LOC400499: variants seen among roughly 807,000 people sequenced by gnomAD.
the LOC400499 span, among the ~76,000 whole-genome samples, chr16:11,442,802 T>C: frequency 0.6 from 91,984 of 152,068 alleles, 28,706 homozygotes; most frequent in African/African-American, 0.76. Flanking sequence ...CTGCAATCTC[T>C]GGTTTAAGAA....
At chr16:11,404,979 G>C in the LOC400499 span, 50 of 397,328 alleles carry the variant, frequency 1.3e-4, no homozygotes, top group African/African-American at 9.9e-4. Flanking sequence ...ATCATTTACA[G>C]TTTCCTGAAT....
the LOC400499 span, among the ~76,000 whole-genome samples, chr16:11,452,172 G>A: frequency 3.4e-5 from 5 of 149,098 alleles, no homozygotes; most frequent in Non-Finnish European, 7.4e-5. Flanking sequence ...AGGCCCTCCA[G>A]AACATCTGTC....
the LOC400499 span, among the ~76,000 whole-genome samples, chr16:11,448,371 T>C: frequency 1.8e-3 from 276 of 152,324 alleles, 2 homozygotes; most frequent in African/African-American, 6.5e-3. Context: ...CCAGGGTCCA[T>C]TTCACAGGCC....
the LOC400499 span, among the ~76,000 whole-genome samples, chr16:11,470,958 A>G: frequency 7.0e-4 from 106 of 152,338 alleles, no homozygotes; most frequent in Non-Finnish European, 1.3e-3. Context: ...GCCTTGAAAA[A>G]GGGGCCAGTG....
the LOC400499 span, among the ~76,000 whole-genome samples, chr16:11,521,606 G>T: frequency 6.6e-6 from 1 of 152,094 alleles, no homozygotes; most frequent in Admixed American, 6.6e-5. Context: ...GTTTGACTTT[G>T]CACACACCCT....
chr16:11,416,433 C>G, the LOC400499 span, among the ~76,000 whole-genome samples: 25 of 152,278 alleles, frequency 1.6e-4, no homozygotes, highest in East Asian at 4.8e-3. Flanking sequence ...CTCAACCTCT[C>G]TGAGCCTCCA....
the LOC400499 span, among the ~76,000 whole-genome samples, chr16:11,394,080 C>T: frequency 2.6e-5 from 4 of 152,150 alleles, no homozygotes; most frequent in Admixed American, 6.5e-5. Context: ...TTGGGGGCCC[C>T]GGGCCCTGGC....
At chr16:11,448,921 ACT>A in the LOC400499 span, 1 of 1,467,494 alleles carries the variant, frequency 6.8e-7, no homozygotes, top group East Asian at 2.5e-5. Context: ...GTTCTTACCC[ACT>A]CCAGGTGCCT....
the LOC400499 span, among the ~76,000 whole-genome samples, chr16:11,525,198 T>C: frequency 1.3e-5 from 2 of 151,264 alleles, no homozygotes; most frequent in Non-Finnish European, 2.9e-5. Flanking sequence ...GAGAATTGCT[T>C]GAGCCGACAG....
the LOC400499 span, among the ~76,000 whole-genome samples, chr16:11,474,689 GTC>G: frequency 7.0e-6 from 1 of 142,786 alleles, no homozygotes. Flanking sequence ...GTGGAACCCT[GTC>G]TCTACAAAAT....
chr16:11,489,714 C>T, the LOC400499 span, among the ~76,000 whole-genome samples: 1 of 152,154 alleles, frequency 6.6e-6, no homozygotes, highest in Non-Finnish European at 1.5e-5. Flanking sequence ...AGCTGATCCC[C>T]TGAGGAGGGG....
the LOC400499 span, among the ~76,000 whole-genome samples, chr16:11,379,648 A>C: frequency 6.6e-6 from 1 of 152,366 alleles, no homozygotes; most frequent in African/African-American, 2.4e-5. Context: ...GGGAGACTCC[A>C]GCACATTACT....
At chr16:11,454,969 TC>T in the LOC400499 span, among the ~76,000 whole-genome samples, 1 of 151,966 alleles carries the variant, frequency 6.6e-6, no homozygotes, top group Non-Finnish European at 1.5e-5. Context: ...AGGAAGAGGG[TC>T]CCCAAGAAAA....
chr16:11,449,227 T>C, the LOC400499 span: 11 of 895,966 alleles, frequency 1.2e-5, no homozygotes, highest in South Asian at 7.0e-5. Context: ...ACCCCTTCAA[T>C]GCCATTTCTC....
At chr16:11,448,980 C>G in the LOC400499 span, 3 of 1,506,958 alleles carry the variant, frequency 2.0e-6, no homozygotes, top group Non-Finnish European at 2.7e-6. Flanking sequence ...TTTCAACCAG[C>G]AGTTCAGGAT....
chr16:11,420,837 C>T, the LOC400499 span, among the ~76,000 whole-genome samples: 2,813 of 152,274 alleles, frequency 0.018, 67 homozygotes, highest in African/African-American at 0.06. Context: ...ATTTTAACGC[C>T]CTCCCCGATT....
At chr16:11,403,481 A>C in the LOC400499 span, among the ~76,000 whole-genome samples, 60 of 152,062 alleles carry the variant, frequency 3.9e-4, no homozygotes, top group Non-Finnish European at 7.4e-4. Context: ...ATGAGCACAC[A>C]TACACTCATG....
the LOC400499 span, among the ~76,000 whole-genome samples, chr16:11,519,387 A>G: frequency 1.3e-5 from 2 of 152,038 alleles, no homozygotes; most frequent in African/African-American, 4.8e-5. Flanking sequence ...GTTGCAAAAG[A>G]AGGTAGACTT....
chr16:11,503,003 C>A, the LOC400499 span, among the ~76,000 whole-genome samples: 1 of 149,846 alleles, frequency 6.7e-6, no homozygotes, highest in African/African-American at 2.5e-5. Context: ...CTCACTGCAG[C>A]CTCAACCTCC....
Sources: allele counts gnomAD v4.1 joint callset (sites outside exome capture counted in the v4.1 genomes callset), GRCh38; gene constraint gnomAD v4.1.1; transcripts MANE v1.5.